CACNB2: variants seen among roughly 807,000 people sequenced by gnomAD.
CACNB2 encodes calcium voltage-gated channel auxiliary subunit beta 2.
Under a neutral mutation model 73.3 loss-of-function variants are expected in CACNB2, and 42 were observed. That is an observed-to-expected ratio of 0.57 (90% CI 0.45 to 0.74). The LOEUF (loss-of-function observed/expected upper bound fraction) is 0.74, where lower values mean the gene tolerates loss of function less well. Among genes scored for constraint, CACNB2 ranks in the 30% least tolerant of loss-of-function variants. CACNB2 has a pLI of 0.00. For missense variants in CACNB2, 940 were observed against 853.0 expected (o/e 1.10, Z -1.27); for synonymous variants, 348 against 310.3 (o/e 1.12, Z -1.28).
intron 4 of CACNB2, 123 bp downstream of exon 4, chr10:18,498,600 A>T (rs750674644): frequency 1.0e-6 from 1 of 960,582 alleles, no homozygotes; most frequent in Non-Finnish European, 1.7e-6. Flanking sequence ...TGTATAACAC[A>T]CATAACTAAA....
At chr10:18,149,399 C>T (rs1228708167) in intron 1 of CACNB2, among the ~76,000 whole-genome samples, 4 of 152,136 alleles carry the variant, frequency 2.6e-5, no homozygotes, top group East Asian at 1.9e-4. Context: ...GAAAGACCAG[C>T]GTAGCTTTCT....
At chr10:18,488,771 C>T (rs1589516537) in intron 3 of CACNB2, among the ~76,000 whole-genome samples, 1 of 152,080 alleles carries the variant, frequency 6.6e-6, no homozygotes, top group East Asian at 1.9e-4. Flanking sequence ...CTGCCATCTA[C>T]ACACCCCTTT....
chr10:18,527,764 T>A (rs1369930301), intron 10 of CACNB2, 67 bp downstream of exon 10: 3 of 988,424 alleles, frequency 3.0e-6, no homozygotes, highest in Admixed American at 1.7e-5. Flanking sequence ...TGAGAAGACC[T>A]AACAAGATGA....
intron 2 of CACNB2, among the ~76,000 whole-genome samples, chr10:18,272,764 G>A (rs1244191925): frequency 6.6e-6 from 1 of 152,180 alleles, no homozygotes; most frequent in Non-Finnish European, 1.5e-5. Flanking sequence ...TGATTGTGAG[G>A]CCTCCGCAGC....
intron 2 of CACNB2, among the ~76,000 whole-genome samples, chr10:18,220,226 T>TGGGGGGGGG (rs2035712196): frequency 4.4e-5 from 2 of 45,662 alleles, no homozygotes; most frequent in African/African-American, 4.0e-4. Flanking sequence ...TATATATATA[T>TGGGGGGGGG]ATATATAGAG....
rs562950580 is a variant in CACNB2, at chr10:18,470,858, C to T, written c.334-27497C>T. ...GAAACCATCTGTCCTTAAAGGAACT[C>T]ACCCTGGTCACAGAGACTGACATGC... is the stretch of plus-strand genomic sequence containing the variant. On this transcript the variant is annotated intron_variant, in intron 3 of 13. Transcript: ENST00000324631. Among the ~76,000 whole-genome samples the T allele has an allele frequency of 2.0e-5, 3 of 152,252 alleles. No individual in the cohort carries two copies. The South Asian group carries it at 6.2e-4, about 32-fold the overall frequency.
At chr10:18,364,109 G>A (rs2042251303) in intron 2 of CACNB2, among the ~76,000 whole-genome samples, 1 of 151,758 alleles carries the variant, frequency 6.6e-6, no homozygotes, top group Admixed American at 6.6e-5. Context: ...ACCACACCCA[G>A]TTGATTTTGT....
chr10:18,515,477 C>G (rs1418236637), intron 7 of CACNB2, among the ~76,000 whole-genome samples: 1 of 152,220 alleles, frequency 6.6e-6, no homozygotes. Flanking sequence ...CCAAACTCTC[C>G]ACATAATGAA....
At chr10:18,351,293 T>C (rs2041695758) in intron 2 of CACNB2, among the ~76,000 whole-genome samples, 1 of 152,172 alleles carries the variant, frequency 6.6e-6, no homozygotes, top group Non-Finnish European at 1.5e-5. Flanking sequence ...CATGTTGTAT[T>C]ACAGATGAGA....
chr10:18,503,266 AC>A (rs1303077224), intron 5 of CACNB2, among the ~76,000 whole-genome samples: 3 of 152,126 alleles, frequency 2.0e-5, no homozygotes, highest in African/African-American at 7.2e-5. Context: ...GTGTTTTCCT[AC>A]CCTCTGTATT....
intron 2 of CACNB2, among the ~76,000 whole-genome samples, chr10:18,228,892 C>G (rs1166579557): frequency 6.6e-6 from 1 of 152,134 alleles, no homozygotes; most frequent in Non-Finnish European, 1.5e-5. Context: ...GCATGTGCCA[C>G]CATGCCTGGC....
In CACNB2 at chr10:18,539,721, A is replaced by G; in HGVS notation, c.1980A>G (p.Gln660=). Residue 660 remains glutamine (Q), a synonymous_variant, in exon 14 of 14, where the codon CAA becomes CAG. Coordinates refer to ENST00000324631, the MANE Select transcript of CACNB2 (RefSeq NM_201596.3). ...GEWNRDVYIR[Q] is the part of the protein sequence containing the mutation. The stretch of plus-strand genomic sequence containing the variant: ...GGAACAGGGATGTTTACATCCGCCA[A>G]TGAGTTTTGCCCGTTTGTGTTTTTT... 6.2e-7 allele frequency: 1 copy of G among 1,602,444 alleles called. No homozygotes were observed. The highest frequency in any genetic ancestry group is 8.5e-7 in the Non-Finnish European group (1 of 1,177,156).
intron 3 of CACNB2, among the ~76,000 whole-genome samples, chr10:18,426,149 A>T (rs2045588067): frequency 6.6e-6 from 1 of 152,208 alleles, no homozygotes; most frequent in African/African-American, 2.4e-5. Flanking sequence ...AAACACAAAC[A>T]TACCCTGCTG....
rs2054102836 is a variant in CACNB2, at chr10:18,542,318, C to CTT, written c.*2594_*2595insTT. 1 of 152,170 alleles carries CTT rather than the reference C, an allele frequency of 6.6e-6. No individual in the cohort carries two copies. The allele number at this position is 152,170 out of a possible 1,614,324, so 9.4% of individuals were successfully genotyped here. A position where few individuals can be genotyped will look rare whatever the true frequency, so the allele number is the denominator to read the frequency against. On this transcript the variant is annotated 3_prime_UTR_variant, in exon 14 of 14. Coordinates refer to ENST00000324631, the MANE Select transcript of CACNB2 (RefSeq NM_201596.3). ...ATTTACTGAGTATAAAATCAGTAGTCATAATAAACTTGACAATTCTTACAT... is the reference window on the plus strand; with the variant it reads ...ATTTACTGAGTATAAAATCAGTAGTCTTATAATAAACTTGACAATTCTTACAT...
chr10:18,443,530 C>T (rs558407896), intron 3 of CACNB2, among the ~76,000 whole-genome samples: 1 of 152,114 alleles, frequency 6.6e-6, no homozygotes, highest in Non-Finnish European at 1.5e-5. Flanking sequence ...CCCAACTCCT[C>T]AGATTGTCTT....
rs11013881 is a variant in CACNB2, at chr10:18,370,072, G to A, written c.214-31852G>A. On this transcript the variant is annotated intron_variant, in intron 2 of 13. Coordinates refer to ENST00000324631, the MANE Select transcript of CACNB2 (RefSeq NM_201596.3). ...TCCAATAGAAGTTTCTCTGATAATGGCAATGTTTATATCTGCACTGTCCAA... is the reference window on the plus strand; with the variant it reads ...TCCAATAGAAGTTTCTCTGATAATGACAATGTTTATATCTGCACTGTCCAA... Among the ~76,000 whole-genome samples, 48 of 152,278 alleles carry A rather than the reference G, an allele frequency of 3.2e-4. 1 individual carries two copies. The East Asian group carries it at 8.1e-3, about 26-fold the overall frequency.
intron 3 of CACNB2, among the ~76,000 whole-genome samples, chr10:18,463,570 A>T (rs924680596): frequency 1.4e-5 from 2 of 147,830 alleles, no homozygotes; most frequent in Non-Finnish European, 3.0e-5. Flanking sequence ...GCACGCCACA[A>T]TGCCCTGCTA....
At chr10:18,363,881 A>C (rs2042239749) in intron 2 of CACNB2, among the ~76,000 whole-genome samples, 1 of 152,200 alleles carries the variant, frequency 6.6e-6, no homozygotes, top group African/African-American at 2.4e-5. Flanking sequence ...AAACTGCTTT[A>C]AAAATGTTAA....
chr10:18,284,458 G>T (rs2038699441), intron 2 of CACNB2, among the ~76,000 whole-genome samples: 1 of 152,188 alleles, frequency 6.6e-6, no homozygotes, highest in African/African-American at 2.4e-5. Flanking sequence ...GGTCAATTCA[G>T]ATTTGCTAAA....
Sources: gnomAD v4.1 joint callset for allele counts (sites outside exome capture counted in the v4.1 genomes callset) on GRCh38, gnomAD v4.1.1 for gene constraint, MANE v1.5 for transcripts, NCBI Gene and HGNC (gene_info 2026-07-23, HGNC 2026-07-21) for gene names.